RELL1: variants seen among roughly 807,000 people sequenced by gnomAD.
RELL1 encodes the protein RELT-like protein 1.
Under a neutral mutation model 23.0 loss-of-function variants are expected in RELL1, and 10 were observed. The ratio of observed to expected loss-of-function variants is 0.43; its 90% CI spans 0.27 to 0.74. RELL1 has a LOEUF of 0.74. Among genes scored for constraint, RELL1 ranks in the 30% least tolerant of loss-of-function variants. The pLI, the probability that RELL1 is intolerant of heterozygous loss-of-function variation, is 0.19. For synonymous variants in RELL1, 146 were observed against 146.8 expected (o/e 0.99, Z 0.04); for missense variants, 315 against 364.4 (o/e 0.86, Z 1.10).
At chr4:37,622,799 C>CTTTTTT (rs763432060) in intron 6 of RELL1, 53 of 391,804 alleles carry the variant, frequency 1.4e-4, no homozygotes, top group Admixed American at 3.2e-4. Context: ...TCAAGTAATG[C>CTTTTTT]TTTTTTTTTT....
intron 1 of RELL1, among the ~76,000 whole-genome samples, chr4:37,673,659 C>G (rs1170374214): frequency 6.6e-6 from 1 of 152,082 alleles, no homozygotes; most frequent in Non-Finnish European, 1.5e-5. Context: ...GATGGCTCAC[C>G]CTCTGCCTCC....
At chr4:37,664,365 TC>T (rs1341670771) in intron 1 of RELL1, among the ~76,000 whole-genome samples, 1 of 137,062 alleles carries the variant, frequency 7.3e-6, no homozygotes, top group African/African-American at 3.0e-5. Context: ...AGAGTGAGAC[TC>T]CATCTCAAAA....
chr4:37,647,747 C>G (rs1248617335), intron 2 of RELL1, among the ~76,000 whole-genome samples: 35 of 152,260 alleles, frequency 2.3e-4, no homozygotes, highest in Admixed American at 2.2e-3. Flanking sequence ...TTCTTAAAGC[C>G]TTATGAGAAA....
chr4:37,605,859 AAAG>A (rs1439974738), downstream of RELL1, among the ~76,000 whole-genome samples: 33 of 146,976 alleles, frequency 2.2e-4, no homozygotes, highest in African/African-American at 7.4e-4. Flanking sequence ...AAAGAAAAGA[AAAG>A]AAAGAGAAAG....
At chr4:37,614,940 G>A (rs1419840115) in intron 6 of RELL1, among the ~76,000 whole-genome samples, 8 of 152,074 alleles carry the variant, frequency 5.3e-5, no homozygotes, top group South Asian at 2.1e-4. Context: ...AGATTTGACC[G>A]GCTTTAAGAA....
Position 37,649,329 on chromosome 4 carries a change from C to T in RELL1, c.260G>A (p.Arg87His), listed in dbSNP as rs1045482604. 1.1e-5 allele frequency: 17 copies of T among 1,614,086 alleles called. No individual in the cohort carries two copies. In the East Asian group the frequency reaches 1.8e-4, roughly 17 times the overall value. Residue 87 changes from arginine to histidine, a missense_variant, in exon 2 of 7, where the codon CGT (arginine) becomes CAT (histidine). Physicochemically the swap from Arg to His is conservative, Grantham distance 29. Transcript: ENST00000454158. ...ICHLLKKKGYRCTTEAEQDIE... is the reference protein window; with the variant it reads ...ICHLLKKKGYHCTTEAEQDIE... ...ATCTTGCTCTGCTTCTGTTGTACAA[C>T]GATAGCCTTTCTTCTTAAGCAGGTG...
chr4:37,587,658 T>C (rs1222678467), downstream of RELL1, among the ~76,000 whole-genome samples: 3 of 152,190 alleles, frequency 2.0e-5, no homozygotes, highest in African/African-American at 7.2e-5. Flanking sequence ...ATGCAGATTC[T>C]GTTTTGGCTT....
intron 1 of RELL1, among the ~76,000 whole-genome samples, chr4:37,653,892 G>A (rs1721034975): frequency 6.6e-6 from 1 of 152,196 alleles, no homozygotes; most frequent in African/African-American, 2.4e-5. Flanking sequence ...CATAATAAAA[G>A]TAGATCCTAT....
At chr4:37,672,979 A>C (rs1181297661) in intron 1 of RELL1, among the ~76,000 whole-genome samples, 1 of 152,076 alleles carries the variant, frequency 6.6e-6, no homozygotes, top group Non-Finnish European at 1.5e-5. Context: ...CCAAAATATA[A>C]ATGTTTAATG....
chr4:37,624,720 C>T (rs996263213), intron 6 of RELL1, among the ~76,000 whole-genome samples: 9 of 152,224 alleles, frequency 5.9e-5, no homozygotes, highest in South Asian at 2.1e-4. Context: ...TGAGCCACCG[C>T]GCCCAGCCGG....
intron 1 of RELL1, among the ~76,000 whole-genome samples, chr4:37,676,441 C>T (rs996432389): frequency 2.6e-5 from 4 of 152,036 alleles, no homozygotes; most frequent in African/African-American, 7.3e-5. Context: ...TTTGAAGTAC[C>T]GGTTGTAGAA....
chr4:37,652,389 A>C (rs1720978783), intron 1 of RELL1, among the ~76,000 whole-genome samples: 2 of 152,246 alleles, frequency 1.3e-5, no homozygotes, highest in Non-Finnish European at 2.9e-5. Context: ...TATACCGTCT[A>C]AGTTAGGGTT....
Position 37,649,516 on chromosome 4 carries a change from T to C in RELL1, c.89-16A>G, listed in dbSNP as rs200460599. The C allele has an allele frequency of 3.3e-3, 5,328 of 1,601,940 alleles. 16 individuals are homozygous for C. Among genetic ancestry groups the C allele is most frequent in the Non-Finnish European group, 4.3e-3 (5,027 of 1,170,100 alleles). ...CTCCCATTGTCTACAGAAAGAAACA[T>C]GCATGCTGCATTAGATATCTGTCCA... On this transcript the variant is annotated splice_polypyrimidine_tract_variant and intron_variant, in intron 1 of 6. Transcript: ENST00000454158.
At chr4:37,669,738 A>G (rs1206625940) in intron 1 of RELL1, among the ~76,000 whole-genome samples, 1 of 152,248 alleles carries the variant, frequency 6.6e-6, no homozygotes, top group African/African-American at 2.4e-5. Context: ...CTTACCCCCA[A>G]CCCAACCCTG....
chr4:37,661,020 G>T (rs554390396), intron 1 of RELL1, among the ~76,000 whole-genome samples: 13 of 149,810 alleles, frequency 8.7e-5, no homozygotes, highest in Non-Finnish European at 1.5e-4. Context: ...GACAGAGTGA[G>T]ACTCTGTCTC....
intron 1 of RELL1, among the ~76,000 whole-genome samples, chr4:37,668,295 C>A (rs1235126970): frequency 6.8e-6 from 1 of 146,228 alleles, no homozygotes; most frequent in Non-Finnish European, 1.5e-5. Context: ...GCTGCCATGT[C>A]GGCTCACTGC....
At chr4:37,659,444 G>A (rs574126366) in intron 1 of RELL1, among the ~76,000 whole-genome samples, 2 of 152,216 alleles carry the variant, frequency 1.3e-5, no homozygotes, top group African/African-American at 4.8e-5. Flanking sequence ...CCAATGGTCA[G>A]AGGAGCCGAG....
intron 3 of RELL1, among the ~76,000 whole-genome samples, chr4:37,645,562 A>G (rs181016278): frequency 1.9e-4 from 29 of 152,334 alleles, no homozygotes; most frequent in African/African-American, 6.5e-4. Context: ...CTGACTTTAT[A>G]GACTGCAGAA....
At chr4:37,644,451 T>TTTA (rs1720639671) in intron 3 of RELL1, among the ~76,000 whole-genome samples, 1 of 147,736 alleles carries the variant, frequency 6.8e-6, no homozygotes, top group Non-Finnish European at 1.5e-5. Context: ...TATTTATTTA[T>TTTA]TTATTTATTT....
Sources: gnomAD v4.1 joint callset for allele counts (sites outside exome capture counted in the v4.1 genomes callset) on GRCh38, gnomAD v4.1.1 for gene constraint, MANE v1.5 for transcripts, NCBI Gene and HGNC (gene_info 2026-07-23, HGNC 2026-07-21) for gene names.